Variants in ERBB4 observed in about 807,000 individuals in gnomAD.
ERBB4 encodes erb-b2 receptor tyrosine kinase 4, also known as receptor tyrosine-protein kinase erbB-4.
ERBB4 carries 42 observed loss-of-function variants against 158.0 expected under a neutral mutation model. The ratio of observed to expected loss-of-function variants is 0.27; its 90% confidence interval spans 0.21 to 0.34. The LOEUF (loss-of-function observed/expected upper bound fraction) is 0.34. ERBB4 is among the 10% of genes least tolerant of loss of function. The probability of loss-of-function intolerance (pLI) is 1.00; values close to 1 mark genes in which losing one functional copy is unlikely to be tolerated. For synonymous variants in ERBB4, 583 were observed against 558.7 expected (o/e 1.04, Z -0.61); for missense variants, 1,333 against 1,624.1 (o/e 0.82, Z 3.08).
chr2:211,780,514 A>C (rs1408749152), intron 4 of ERBB4, among the ~76,000 whole-genome samples: 1 of 152,230 alleles, frequency 6.6e-6, no homozygotes, highest in African/African-American at 2.4e-5. Flanking sequence ...TAATGTTCTT[A>C]GTAAAACTTA....
intron 20 of ERBB4, among the ~76,000 whole-genome samples, chr2:211,508,984 G>T (rs897860478): frequency 1.3e-5 from 2 of 151,914 alleles, no homozygotes. Context: ...CACATATACA[G>T]CATGGAATAC....
intron 1 of ERBB4, among the ~76,000 whole-genome samples, chr2:212,431,965 T>C (rs2092039585): frequency 6.6e-6 from 1 of 152,344 alleles, no homozygotes; most frequent in East Asian, 1.9e-4. Context: ...GTTTTACTTA[T>C]TTTGTCAACT....
chr2:211,384,180 A>C, intron 27 of ERBB4, 120 bp from the exon 28 acceptor site: 1 of 716,628 alleles, frequency 1.4e-6, no homozygotes, highest in Non-Finnish European at 2.3e-6. Flanking sequence ...ATTTGTTTTC[A>C]TGATTTCTCA....
chr2:212,142,556 A>C (rs2080516756), intron 1 of ERBB4, among the ~76,000 whole-genome samples: 1 of 149,488 alleles, frequency 6.7e-6, no homozygotes, highest in Non-Finnish European at 1.5e-5. Flanking sequence ...AAGAACTCAG[A>C]AAAGGTCAAA....
intron 19 of ERBB4, among the ~76,000 whole-genome samples, chr2:211,579,501 A>T (rs36137968): frequency 6.6e-6 from 1 of 152,180 alleles, no homozygotes; most frequent in East Asian, 1.9e-4. Flanking sequence ...ATGCACATCT[A>T]TGTTGACCGC....
chr2:212,436,100 A>G (rs1356627557), intron 1 of ERBB4, among the ~76,000 whole-genome samples: 1 of 151,916 alleles, frequency 6.6e-6, no homozygotes, highest in East Asian at 1.9e-4. Flanking sequence ...CATTGTATAT[A>G]ACATAGAGAA....
chr2:212,474,587 TGA>T (rs1220738377), intron 1 of ERBB4, among the ~76,000 whole-genome samples: 20 of 152,212 alleles, frequency 1.3e-4, no homozygotes, highest in Admixed American at 9.8e-4. Context: ...ATAAACTTTC[TGA>T]GAGTCTTGAG....
At chr2:212,099,736 GTT>G (rs3037296) in intron 2 of ERBB4, among the ~76,000 whole-genome samples, 5 of 144,624 alleles carry the variant, frequency 3.5e-5, no homozygotes, top group African/African-American at 5.0e-5. Flanking sequence ...TTGTTTTACA[GTT>G]TTTTTTTTTT....
At chr2:211,897,963 T>G (rs2079143169) in intron 3 of ERBB4, among the ~76,000 whole-genome samples, 2 of 151,924 alleles carry the variant, frequency 1.3e-5, no homozygotes, top group Admixed American at 6.6e-5. Flanking sequence ...GGGGTCTCAC[T>G]TTGTTGTTTA....
chr2:212,106,374 C>T (rs772672962), intron 2 of ERBB4, among the ~76,000 whole-genome samples: 1 of 152,186 alleles, frequency 6.6e-6, no homozygotes, highest in African/African-American at 2.4e-5. Context: ...TTTGTCCCTG[C>T]CCTAGAGATT....
At chr2:211,762,660 C>A (rs528959902) in intron 4 of ERBB4, among the ~76,000 whole-genome samples, 2 of 152,180 alleles carry the variant, frequency 1.3e-5, no homozygotes, top group Non-Finnish European at 2.9e-5. Context: ...TGTAACCACC[C>A]ACGTGTTCAC....
chr2:211,992,680 T>C (rs2125257942), intron 2 of ERBB4, among the ~76,000 whole-genome samples: 1 of 152,126 alleles, frequency 6.6e-6, no homozygotes, highest in Admixed American at 6.5e-5. Flanking sequence ...ACCCAGACTC[T>C]CCACTCTTCA....
chr2:211,792,820 T>C (rs916245271), intron 3 of ERBB4, among the ~76,000 whole-genome samples: 1 of 151,946 alleles, frequency 6.6e-6, no homozygotes, highest in African/African-American at 2.4e-5. Flanking sequence ...TTTTCATGAG[T>C]CTAATAAATA....
chr2:212,172,385 A>G (rs2081544203), intron 1 of ERBB4, among the ~76,000 whole-genome samples: 3 of 152,174 alleles, frequency 2.0e-5, no homozygotes, highest in Admixed American at 2.0e-4. Context: ...AGGCAGAAAT[A>G]CCGTTTGACT....
intron 16 of ERBB4, among the ~76,000 whole-genome samples, chr2:211,632,613 T>C (rs752642811): frequency 3.7e-4 from 44 of 118,046 alleles, no homozygotes; most frequent in Non-Finnish European, 6.7e-4. Flanking sequence ...ATTTTGTTTT[T>C]TGTTTGTTTC....
chr2:212,017,420 T>C (rs2076553278), intron 2 of ERBB4, among the ~76,000 whole-genome samples: 1 of 152,044 alleles, frequency 6.6e-6, no homozygotes, highest in African/African-American at 2.4e-5. Flanking sequence ...GAAAAGAATC[T>C]CAAGTATGAA....
intron 1 of ERBB4, among the ~76,000 whole-genome samples, chr2:212,335,399 A>C (rs188418870): frequency 6.6e-6 from 1 of 152,006 alleles, no homozygotes; most frequent in Admixed American, 6.6e-5. Context: ...TGGAATACAG[A>C]AACTAATGAT....
intron 2 of ERBB4, among the ~76,000 whole-genome samples, chr2:212,031,880 T>A (rs1000256879): frequency 6.6e-6 from 1 of 152,054 alleles, no homozygotes; most frequent in African/African-American, 2.4e-5. Flanking sequence ...GCAAAGATTA[T>A]TATGGCAATT....
chr2:212,394,629 T>C (rs1222821735), intron 1 of ERBB4, among the ~76,000 whole-genome samples: 1 of 152,128 alleles, frequency 6.6e-6, no homozygotes, highest in Non-Finnish European at 1.5e-5. Context: ...TTATGTTAAA[T>C]ATTTTCTTCC....
Sources: allele counts gnomAD v4.1 joint callset (sites outside exome capture counted in the v4.1 genomes callset), GRCh38; gene constraint gnomAD v4.1.1; transcripts MANE v1.5; gene names NCBI Gene and HGNC (gene_info 2026-07-23, HGNC 2026-07-21).